Variants in MSRA observed in about 807,000 individuals in gnomAD.
MSRA encodes methionine sulfoxide reductase A.
Under a neutral mutation model 31.3 loss-of-function variants are expected in MSRA, and 54 were observed. That is an observed-to-expected ratio of 1.73 (90% CI 1.39 to 2.17). The LOEUF is 2.17. Ranked by LOEUF, MSRA falls within the 30% of genes most tolerant of loss-of-function variation. The probability of loss-of-function intolerance (pLI) is 0.00; values close to 1 mark genes in which losing one functional copy is unlikely to be tolerated. For missense variants in MSRA, 507 were observed against 300.9 expected (o/e 1.69, Z -5.07); for synonymous variants, 169 against 116.5 (o/e 1.45, Z -2.90).
chr8:10,070,806 C>T (rs543259406), intron 1 of MSRA, among the ~76,000 whole-genome samples: 1 of 152,208 alleles, frequency 6.6e-6, no homozygotes, highest in Non-Finnish European at 1.5e-5. Flanking sequence ...CCCTGAGATT[C>T]ACCCCAGTTG....
intron 2 of MSRA, among the ~76,000 whole-genome samples, chr8:10,215,794 T>A (rs138068658): frequency 1.3e-5 from 2 of 152,202 alleles, no homozygotes; most frequent in Admixed American, 6.5e-5. Flanking sequence ...TGTGGCTAAT[T>A]TTTTCACTTT....
chr8:10,403,838 C>T (rs1199492090), intron 5 of MSRA, among the ~76,000 whole-genome samples: 1 of 152,180 alleles, frequency 6.6e-6, no homozygotes, highest in Non-Finnish European at 1.5e-5. Flanking sequence ...TGCTGAGTTG[C>T]CTCACCTCTT....
intron 1 of MSRA, among the ~76,000 whole-genome samples, chr8:10,116,552 T>A (rs1800693977): frequency 6.6e-6 from 1 of 152,168 alleles, no homozygotes; most frequent in Admixed American, 6.5e-5. Context: ...CTGGTAGCCA[T>A]CTAGATAAGT....
chr8:10,104,322 T>C (rs977132538), intron 1 of MSRA, among the ~76,000 whole-genome samples: 1 of 152,204 alleles, frequency 6.6e-6, no homozygotes, highest in African/African-American at 2.4e-5. Flanking sequence ...TTAGAAAGTT[T>C]ATTTTGCCAA....
At chr8:10,235,735 C>G (rs536440206) in intron 2 of MSRA, among the ~76,000 whole-genome samples, 1 of 152,016 alleles carries the variant, frequency 6.6e-6, no homozygotes, top group Non-Finnish European at 1.5e-5. Flanking sequence ...TGTAACTTCA[C>G]GGAACAAATA....
chr8:10,180,489 GT>G (rs1174533914), intron 1 of MSRA, among the ~76,000 whole-genome samples: 1 of 152,156 alleles, frequency 6.6e-6, no homozygotes, highest in Non-Finnish European at 1.5e-5. Flanking sequence ...AGGTTGGAGA[GT>G]GGGGCTGAAA....
chr8:10,284,108 A>G (rs1799804489), intron 3 of MSRA, among the ~76,000 whole-genome samples: 1 of 152,150 alleles, frequency 6.6e-6, no homozygotes, highest in South Asian at 2.1e-4. Context: ...ACTAGTTTAC[A>G]TTCCTGCCAC....
At chr8:10,287,885 C>T (rs1389823099) in intron 3 of MSRA, among the ~76,000 whole-genome samples, 2 of 152,108 alleles carry the variant, frequency 1.3e-5, no homozygotes, top group Non-Finnish European at 2.9e-5. Context: ...TACCCTTCTC[C>T]AGCAGTAATT....
At chr8:10,159,298 AGT>A (rs1448466069) in intron 1 of MSRA, among the ~76,000 whole-genome samples, 1 of 152,084 alleles carries the variant, frequency 6.6e-6, no homozygotes, top group Non-Finnish European at 1.5e-5. Flanking sequence ...GGTAGTGGAG[AGT>A]GGTGTGTGCA....
At chr8:10,355,741 G>A (rs985096555) in intron 5 of MSRA, among the ~76,000 whole-genome samples, 1 of 152,144 alleles carries the variant, frequency 6.6e-6, no homozygotes, top group Non-Finnish European at 1.5e-5. Flanking sequence ...GGTCCTGGGT[G>A]AGGGTCTGCA....
chr8:10,363,249 C>G lies in MSRA; in HGVS notation c.543+43260C>G, dbSNP rs1804957537. Among the ~76,000 whole-genome samples the G allele has an allele frequency of 2.0e-5, 3 of 152,186 alleles. 1 individual carries two copies. In the South Asian group the frequency reaches 6.2e-4, roughly 32 times the overall value. On this transcript the variant is annotated intron_variant, in intron 5 of 5. Coordinates refer to ENST00000317173, the MANE Select transcript of MSRA (RefSeq NM_012331.5). ...TCCAGCTCCTTCTCAGGCCTTTGAA[C>G]CAAGTTCTTTGGCAACTGGCCAGGG...
intron 5 of MSRA, among the ~76,000 whole-genome samples, chr8:10,420,950 T>G (rs909540806): frequency 6.6e-6 from 1 of 150,826 alleles, no homozygotes; most frequent in Non-Finnish European, 1.5e-5. Flanking sequence ...TGAGCCCTGA[T>G]CACGCCACTG....
At chr8:10,212,254 G>A (rs528551103) in intron 2 of MSRA, among the ~76,000 whole-genome samples, 11 of 151,978 alleles carry the variant, frequency 7.2e-5, no homozygotes, top group African/African-American at 9.7e-5. Context: ...GGATACATTC[G>A]AGAGTAAAAA....
intron 5 of MSRA, among the ~76,000 whole-genome samples, chr8:10,370,931 C>G (rs1285021576): frequency 1.3e-5 from 2 of 152,192 alleles, no homozygotes; most frequent in Non-Finnish European, 2.9e-5. Flanking sequence ...CGTGCTGTCA[C>G]ACACGCTCGT....
At chr8:10,284,639 C>T (rs949125163) in intron 3 of MSRA, among the ~76,000 whole-genome samples, 1 of 152,196 alleles carries the variant, frequency 6.6e-6, no homozygotes, top group Non-Finnish European at 1.5e-5. Flanking sequence ...AGTGGCTCCT[C>T]ATCTTCCTTC....
intron 1 of MSRA, among the ~76,000 whole-genome samples, chr8:10,175,524 A>C (rs1357527680): frequency 6.6e-6 from 1 of 152,206 alleles, no homozygotes; most frequent in Non-Finnish European, 1.5e-5. Flanking sequence ...TCTTAAAAGT[A>C]ATTATGCTGG....
intron 5 of MSRA, among the ~76,000 whole-genome samples, chr8:10,399,001 G>A (rs1442110570): frequency 6.6e-6 from 1 of 152,194 alleles, no homozygotes; most frequent in Non-Finnish European, 1.5e-5. Flanking sequence ...CGAGGACTGG[G>A]TTCGGCTCAG....
At chr8:10,396,698 G>T (rs1459043163) in intron 5 of MSRA, among the ~76,000 whole-genome samples, 1 of 152,224 alleles carries the variant, frequency 6.6e-6, no homozygotes, top group Non-Finnish European at 1.5e-5. Flanking sequence ...ACTGCCCTTA[G>T]AAATGTTTCC....
intron 3 of MSRA, among the ~76,000 whole-genome samples, chr8:10,282,523 C>A (rs774777047): frequency 6.6e-6 from 1 of 152,128 alleles, no homozygotes; most frequent in Non-Finnish European, 1.5e-5. Context: ...ATTCTGTGTC[C>A]CCTTGGTGTC....
Sources: allele counts gnomAD v4.1 joint callset (sites outside exome capture counted in the v4.1 genomes callset), GRCh38; gene constraint gnomAD v4.1.1; transcripts MANE v1.5; gene names NCBI Gene and HGNC (gene_info 2026-07-23, HGNC 2026-07-21).